CHST9: variants seen among roughly 807,000 people sequenced by gnomAD.
CHST9 encodes the protein carbohydrate sulfotransferase 9.
CHST9 carries 41 observed loss-of-function variants against 44.4 expected under a neutral mutation model. The observed-to-expected ratio is 0.92, with a 90% CI of 0.72 to 1.20. The LOEUF (loss-of-function observed/expected upper bound fraction) is 1.20, where lower values mean the gene tolerates loss of function less well. Among genes scored for constraint, CHST9 ranks in the 50% most tolerant of loss-of-function variants. The probability of loss-of-function intolerance (pLI) is 0.00; values close to 1 mark genes in which losing one functional copy is unlikely to be tolerated. For missense variants in CHST9, 504 were observed against 516.5 expected, an observed-to-expected ratio of 0.98 and a Z score of 0.23; for synonymous variants, 171 against 178.4, an observed-to-expected ratio of 0.96 and a Z score of 0.33.
intron 3 of CHST9, among the ~76,000 whole-genome samples, chr18:27,030,562 C>T (rs1444591161): frequency 6.6e-6 from 1 of 152,228 alleles, no homozygotes; most frequent in African/African-American, 2.4e-5. Context: ...TCAGGATGCC[C>T]TGCATAAAGC....
intron 2 of CHST9, among the ~76,000 whole-genome samples, chr18:27,069,365 G>A (rs953105541): frequency 1.3e-5 from 2 of 151,868 alleles, no homozygotes; most frequent in Non-Finnish European, 2.9e-5. Flanking sequence ...TCTTATCTCC[G>A]TTTCTGTGGT....
intron 5 of CHST9, among the ~76,000 whole-genome samples, chr18:26,923,885 C>T (rs1346334038): frequency 6.6e-6 from 1 of 151,996 alleles, no homozygotes; most frequent in Non-Finnish European, 1.5e-5. Flanking sequence ...CTGAGATGAG[C>T]CTGGGAAGAT....
At chr18:26,970,640 C>T (rs896815065) in intron 4 of CHST9, among the ~76,000 whole-genome samples, 3 of 152,112 alleles carry the variant, frequency 2.0e-5, no homozygotes, top group East Asian at 1.9e-4. Context: ...GTTGCCCAGG[C>T]AGGACTTGAG....
At chr18:27,109,292 T>TC (rs1173271066) in intron 2 of CHST9, among the ~76,000 whole-genome samples, 1 of 152,110 alleles carries the variant, frequency 6.6e-6, no homozygotes, top group Non-Finnish European at 1.5e-5. Context: ...CTTTTTTTTT[T>TC]CTCCCTGCAA....
At chr18:27,083,989 C>A (rs1214184310) in intron 2 of CHST9, among the ~76,000 whole-genome samples, 1 of 152,022 alleles carries the variant, frequency 6.6e-6, no homozygotes, top group Non-Finnish European at 1.5e-5. Flanking sequence ...AAGAATAAAA[C>A]CTACTTGATT....
intron 2 of CHST9, among the ~76,000 whole-genome samples, chr18:27,102,585 A>G (rs1302002792): frequency 1.3e-5 from 2 of 152,368 alleles, no homozygotes; most frequent in East Asian, 3.9e-4. Flanking sequence ...TCAGTTAACA[A>G]TGTGTAACAA....
chr18:26,917,447 G>A, intron 5 of CHST9, 97 bp from the exon 6 acceptor site: 5 of 1,367,088 alleles, frequency 3.7e-6, no homozygotes, highest in Non-Finnish European at 4.9e-6. Context: ...ATAGTATCAA[G>A]GAGAGCATAT....
Position 26,914,969 on chromosome 18 carries a change from G to T in CHST9, c.*1290C>A, listed in dbSNP as rs1239742792. On this transcript the variant is annotated 3_prime_UTR_variant, in exon 6 of 6. Transcript: ENST00000618847. ...CATCCAAATGTTTCCCATCCAAAATGATCCCTTTTTTTTTCCCCAAGGGAT... is the reference window on the plus strand; with the variant it reads ...CATCCAAATGTTTCCCATCCAAAATTATCCCTTTTTTTTTCCCCAAGGGAT... The T allele has an allele frequency of 2.6e-6, 1 of 385,046 alleles. No homozygotes were observed. Among genetic ancestry groups the T allele is most frequent in the African/African-American group, 2.2e-5 (1 of 45,110 alleles). The allele number at this position is 385,046 out of a possible 1,614,324, so 23.9% of individuals were successfully genotyped here. A position where few individuals can be genotyped will look rare whatever the true frequency, so the allele number is the denominator to read the frequency against.
At chr18:27,059,793 T>C (rs187150180) in intron 2 of CHST9, among the ~76,000 whole-genome samples, 27 of 152,326 alleles carry the variant, frequency 1.8e-4, no homozygotes, top group Non-Finnish European at 2.9e-4. Context: ...GTTTTTCCTT[T>C]TTTATCTTGA....
At chr18:26,943,541 A>T (rs1478248554) in intron 5 of CHST9, among the ~76,000 whole-genome samples, 3 of 152,244 alleles carry the variant, frequency 2.0e-5, no homozygotes, top group African/African-American at 7.2e-5. Flanking sequence ...AAGAAGGAAG[A>T]TATGGAAATG....
At chr18:27,024,771 G>A (rs1354114907) in intron 3 of CHST9, among the ~76,000 whole-genome samples, 2 of 152,130 alleles carry the variant, frequency 1.3e-5, no homozygotes, top group South Asian at 4.1e-4. Context: ...TATCCAGAAC[G>A]AATGAAAGTT....
chr18:26,935,974 T>G (rs530317077), intron 5 of CHST9: 30 of 152,310 alleles, frequency 2.0e-4, no homozygotes, highest in African/African-American at 6.3e-4. Context: ...ACTTTCTATC[T>G]CTAGTGGGAG....
intron 5 of CHST9, among the ~76,000 whole-genome samples, chr18:26,927,618 C>T (rs1355571246): frequency 2.0e-5 from 3 of 152,104 alleles, no homozygotes; most frequent in African/African-American, 7.2e-5. Context: ...CATTAAAGAG[C>T]AGTATTGCCA....
chr18:26,987,117 T>TG lies in CHST9; in HGVS notation c.202+36998dup, dbSNP rs2056762654. Among the ~76,000 whole-genome samples the TG allele has an allele frequency of 2.6e-5, 4 of 152,246 alleles. No homozygotes were observed. The South Asian group carries it at 8.3e-4, about 32-fold the overall frequency. On this transcript the variant is annotated intron_variant, in intron 4 of 5. Coordinates refer to ENST00000618847, the MANE Select transcript of CHST9 (RefSeq NM_031422.6). ...GGCAGAGTGGGAGGTGTCTGGGTCA[T>TG]GGGGGCCGATCCTTCATGAATGGCT...
At chr18:26,969,372 C>CTG (rs1371549809) in intron 4 of CHST9, among the ~76,000 whole-genome samples, 278 of 122,108 alleles carry the variant, frequency 2.3e-3, no homozygotes, top group African/African-American at 8.3e-3. Context: ...CTCTCTCTCT[C>CTG]TCTCTGTGTG....
At chr18:27,041,029 G>A (rs1368219568) in intron 3 of CHST9, among the ~76,000 whole-genome samples, 1 of 152,092 alleles carries the variant, frequency 6.6e-6, no homozygotes, top group Non-Finnish European at 1.5e-5. Context: ...ACATAAGAGT[G>A]TAGTTACTGT....
intron 4 of CHST9, among the ~76,000 whole-genome samples, chr18:27,011,129 T>G (rs2057078722): frequency 6.6e-6 from 1 of 152,174 alleles, no homozygotes; most frequent in African/African-American, 2.4e-5. Flanking sequence ...TGGGTCTTTT[T>G]GGGTAATTAG....
At chr18:27,040,676 T>G (rs2057435135) in intron 3 of CHST9, among the ~76,000 whole-genome samples, 1 of 152,178 alleles carries the variant, frequency 6.6e-6, no homozygotes, top group South Asian at 2.1e-4. Flanking sequence ...AGACAATGTA[T>G]ATGATTGATT....
At chr18:26,961,514 C>T (rs1255158351) in intron 4 of CHST9, among the ~76,000 whole-genome samples, 1 of 151,972 alleles carries the variant, frequency 6.6e-6, no homozygotes, top group African/African-American at 2.4e-5. Flanking sequence ...ACTGCAGCCT[C>T]GAACTCTTGG....
Sources: gnomAD v4.1 joint callset for allele counts (sites outside exome capture counted in the v4.1 genomes callset) on GRCh38, gnomAD v4.1.1 for gene constraint, MANE v1.5 for transcripts, NCBI Gene and HGNC (gene_info 2026-07-23, HGNC 2026-07-21) for gene names.